ELOVL6: variants seen among roughly 807,000 people sequenced by gnomAD.
ELOVL6 encodes the protein ELOVL fatty acid elongase 6.
ELOVL6 carries 8 observed loss-of-function variants against 31.7 expected under a neutral mutation model. The observed-to-expected ratio is 0.25, with a 90% CI of 0.15 to 0.45. The LOEUF (loss-of-function observed/expected upper bound fraction) is 0.45. Ranked by LOEUF, ELOVL6 falls within the 20% of genes least tolerant of loss-of-function variation. ELOVL6 has a pLI of 1.00. For missense variants in ELOVL6, 126 were observed against 326.4 expected, an observed-to-expected ratio of 0.39 and a Z score of 4.73; for synonymous variants, 101 against 117.7, an observed-to-expected ratio of 0.86 and a Z score of 0.92.
chr4:110,094,445 T>TATATA (rs1560820752), intron 2 of ELOVL6, among the ~76,000 whole-genome samples: 1,871 of 46,754 alleles, frequency 0.04, 29 homozygotes, highest in East Asian at 0.054. Context: ...ATATATATAA[T>TATATA]ATATATAACA....
intron 1 of ELOVL6, among the ~76,000 whole-genome samples, chr4:110,126,872 G>C (rs2126255844): frequency 6.6e-6 from 1 of 151,896 alleles, no homozygotes; most frequent in Middle Eastern, 3.4e-3. Flanking sequence ...AATCCCTCAG[G>C]ACTCTTTGAT....
chr4:110,109,666 T>C (rs1158230363), intron 1 of ELOVL6, among the ~76,000 whole-genome samples: 1 of 152,234 alleles, frequency 6.6e-6, no homozygotes, highest in African/African-American at 2.4e-5. Flanking sequence ...TATGCATAAA[T>C]TGAAATACAT....
At chr4:110,104,490 A>C (rs1756833036) in intron 2 of ELOVL6, among the ~76,000 whole-genome samples, 1 of 152,200 alleles carries the variant, frequency 6.6e-6, no homozygotes, top group Non-Finnish European at 1.5e-5. Flanking sequence ...GTTTAATGGA[A>C]ATACTCTTCC....
chr4:110,069,312 T>A (rs1755400036), intron 2 of ELOVL6, among the ~76,000 whole-genome samples: 1 of 132,936 alleles, frequency 7.5e-6, no homozygotes, highest in African/African-American at 3.2e-5. Flanking sequence ...TTTATGTCAC[T>A]TAAGCTACCT....
intron 1 of ELOVL6, among the ~76,000 whole-genome samples, chr4:110,148,359 G>A (rs1458315675): frequency 6.6e-6 from 1 of 152,008 alleles, no homozygotes; most frequent in Non-Finnish European, 1.5e-5. Flanking sequence ...ATTATGCTAA[G>A]TGAAATAAGC....
intron 1 of ELOVL6, among the ~76,000 whole-genome samples, chr4:110,166,818 G>C (rs1054222169): frequency 6.6e-6 from 1 of 152,114 alleles, no homozygotes; most frequent in African/African-American, 2.4e-5. Flanking sequence ...TTTTGCTGGA[G>C]TGTTTCTAAA....
At chr4:110,147,980 G>A (rs1758170808) in intron 1 of ELOVL6, among the ~76,000 whole-genome samples, 1 of 152,138 alleles carries the variant, frequency 6.6e-6, no homozygotes, top group African/African-American at 2.4e-5. Context: ...TGGGTGTGGT[G>A]GCGCATGCCT....
chr4:110,147,358 C>G (rs889452920), intron 1 of ELOVL6: 1 of 152,790 alleles, frequency 6.5e-6, no homozygotes, highest in African/African-American at 2.4e-5. Context: ...AACTCTTCTT[C>G]TAGATACTGG....
At chr4:110,084,034 G>GTTATAT (rs1560813634) in intron 2 of ELOVL6, among the ~76,000 whole-genome samples, 164 of 9,150 alleles carry the variant, frequency 0.018, 21 homozygotes, top group East Asian at 0.043. Context: ...TGCCATATAT[G>GTTATAT]GTATATAACA....
rs1755282957 is a variant in ELOVL6 at position 110,065,798 on chromosome 4, C to T, written c.222-6044G>A. 3.9e-5 allele frequency among the ~76,000 whole-genome samples: 6 copies of T among 152,124 alleles called. No individual in the cohort carries two copies. In the South Asian group the frequency reaches 1.2e-3, roughly 32 times the overall value. On this transcript the variant is annotated intron_variant, in intron 2 of 3. Coordinates refer to ENST00000302274, the MANE Select transcript of ELOVL6 (RefSeq NM_024090.3). ...AATGTTAAGAATTCCAGAATTCTGC[C>T]CTGGGGGGAAAAAGAGCCTTGGGTA...
chr4:110,120,239 T>C (rs1285283927), intron 1 of ELOVL6, among the ~76,000 whole-genome samples: 1 of 152,084 alleles, frequency 6.6e-6, no homozygotes, highest in African/African-American at 2.4e-5. Flanking sequence ...TTGTCTTTTT[T>C]CTACTTTGCT....
At chr4:110,084,097 T>C (rs1756033207) in intron 2 of ELOVL6, among the ~76,000 whole-genome samples, 1 of 114,742 alleles carries the variant, frequency 8.7e-6, no homozygotes, top group African/African-American at 3.5e-5. Flanking sequence ...ATATAACATA[T>C]ATATGATATA....
chr4:110,095,299 T>A (rs932434742), intron 2 of ELOVL6, among the ~76,000 whole-genome samples: 1 of 152,006 alleles, frequency 6.6e-6, no homozygotes, highest in African/African-American at 2.4e-5. Context: ...CTGGCCAACA[T>A]GGCAAAACCC....
chr4:110,187,934 T>G (rs1379179317), intron 1 of ELOVL6, among the ~76,000 whole-genome samples: 1 of 152,236 alleles, frequency 6.6e-6, no homozygotes, highest in African/African-American at 2.4e-5. Context: ...TCATTTCATT[T>G]CTTTTCCTGT....
chr4:110,148,188 G>A (rs1758180786), intron 1 of ELOVL6, among the ~76,000 whole-genome samples: 1 of 146,196 alleles, frequency 6.8e-6, no homozygotes, highest in African/African-American at 2.5e-5. Context: ...TTTTTCAAAA[G>A]ACAAACAAAT....
rs533581670 is a variant in ELOVL6, at chr4:110,150,428, A to C, written c.90-44800T>G. 2.6e-5 allele frequency among the ~76,000 whole-genome samples: 4 copies of C among 152,294 alleles called. 1 individual carries two copies. In the South Asian group the frequency reaches 8.3e-4, roughly 32 times the overall value. On this transcript the variant is annotated intron_variant, in intron 1 of 3. Coordinates refer to ENST00000302274, the MANE Select transcript of ELOVL6 (RefSeq NM_024090.3). ...CTCAATCTAATAAATACCCAAACAT[A>C]CTGGCAATTTCCATATTATTGTATG...
chr4:110,058,289 A>T (rs1053126932), intron 3 of ELOVL6, among the ~76,000 whole-genome samples: 1 of 136,604 alleles, frequency 7.3e-6, no homozygotes, highest in Admixed American at 7.4e-5. Context: ...TGTCTGTTGG[A>T]GGGGGGGAGC....
intron 2 of ELOVL6, among the ~76,000 whole-genome samples, chr4:110,083,937 T>TATATAGCATATGTTATATATG (rs1755972483): frequency 7.6e-6 from 1 of 132,290 alleles, no homozygotes; most frequent in East Asian, 2.1e-4. Flanking sequence ...TATATAGAGA[T>TATATAGCATATGTTATATATG]ATATATAACA....
intron 1 of ELOVL6, among the ~76,000 whole-genome samples, chr4:110,167,160 T>G (rs17612873): frequency 0.045 from 6,823 of 152,188 alleles, 222 homozygotes; most frequent in South Asian, 0.12. Context: ...TTTCAGTATC[T>G]CTCCACTGGC....
Sources: gnomAD v4.1 joint callset for allele counts (sites outside exome capture counted in the v4.1 genomes callset) on GRCh38, gnomAD v4.1.1 for gene constraint, MANE v1.5 for transcripts, NCBI Gene and HGNC (gene_info 2026-07-23, HGNC 2026-07-21) for gene names.